MAGI1: variants seen among roughly 807,000 people sequenced by gnomAD.
The protein encoded by MAGI1 is membrane associated guanylate kinase, WW and PDZ domain containing 1.
A neutral mutation model predicts 139.9 loss-of-function variants in MAGI1; 58 were observed. The ratio of observed to expected loss-of-function variants is 0.41; its 90% confidence interval spans 0.34 to 0.52. The LOEUF (loss-of-function observed/expected upper bound fraction) is 0.52, where lower values mean the gene tolerates loss of function less well. Ranked by LOEUF, MAGI1 falls within the 20% of genes least tolerant of loss-of-function variation. The pLI is 0.12. For synonymous variants in MAGI1, 812 were observed against 737.9 expected (o/e 1.10, Z -1.63); for missense variants, 1,874 against 1,901.6 (o/e 0.99, Z 0.27).
rs567141821 is a variant in MAGI1, at chr3:65,979,783, C to T, written c.313+58213G>A. 2.0e-5 allele frequency among the ~76,000 whole-genome samples: 3 copies of T among 152,142 alleles called. No individual in the cohort carries two copies. In the South Asian group the frequency reaches 6.2e-4, roughly 32 times the overall value. ...TAGGACATGCCAATTACTCCAGTGT[C>T]GGGCTGCATAGCTCAGATGGCTCCA... On this transcript the variant is annotated intron_variant, in intron 1 of 22. Coordinates refer to ENST00000402939, the MANE Select transcript of MAGI1 (RefSeq NM_001033057.2).
At chr3:65,919,891 T>G (rs2062091225) in intron 1 of MAGI1, among the ~76,000 whole-genome samples, 1 of 152,172 alleles carries the variant, frequency 6.6e-6, no homozygotes, top group South Asian at 2.1e-4. Flanking sequence ...TTCCATCATC[T>G]TAACCCCTTT....
chr3:65,662,992 C>T (rs952267326), intron 1 of MAGI1, among the ~76,000 whole-genome samples: 13 of 152,076 alleles, frequency 8.5e-5, no homozygotes, highest in African/African-American at 2.9e-4. Flanking sequence ...AGACCAGAGA[C>T]GGGTGCTGGA....
intron 2 of MAGI1, among the ~76,000 whole-genome samples, chr3:65,514,672 A>C (rs2077771025): frequency 7.2e-6 from 1 of 139,794 alleles, no homozygotes; most frequent in Admixed American, 7.2e-5. Context: ...GGTGCTGGAG[A>C]GGATGTGGAG....
chr3:65,962,092 G>A (rs1320097740), intron 1 of MAGI1, among the ~76,000 whole-genome samples: 1 of 149,474 alleles, frequency 6.7e-6, no homozygotes, highest in Non-Finnish European at 1.5e-5. Context: ...TATTTGGACT[G>A]TTTGTTCTCA....
intron 1 of MAGI1, among the ~76,000 whole-genome samples, chr3:66,037,778 T>C (rs991956591): frequency 6.6e-6 from 1 of 152,100 alleles, no homozygotes; most frequent in African/African-American, 2.4e-5. Flanking sequence ...GTCCCCCCGC[T>C]ACCTTGCGCA....
intron 1 of MAGI1, among the ~76,000 whole-genome samples, chr3:65,634,720 C>A (rs2084504814): frequency 6.6e-6 from 1 of 152,124 alleles, no homozygotes. Flanking sequence ...TTGATTAGAT[C>A]TGGAATTTAA....
intron 5 of MAGI1, among the ~76,000 whole-genome samples, chr3:65,466,905 C>A (rs567934826): frequency 6.6e-6 from 1 of 152,308 alleles, no homozygotes; most frequent in South Asian, 2.1e-4. Context: ...GGTTTTTCTG[C>A]ACTGTTGCTG....
At chr3:65,901,208 G>C (rs2061217814) in intron 1 of MAGI1, among the ~76,000 whole-genome samples, 1 of 152,106 alleles carries the variant, frequency 6.6e-6, no homozygotes, top group Non-Finnish European at 1.5e-5. Flanking sequence ...CAGAGACAAG[G>C]AAAAAATAAA....
chr3:65,489,960 T>C (rs997766862), intron 3 of MAGI1, among the ~76,000 whole-genome samples: 2 of 152,178 alleles, frequency 1.3e-5, no homozygotes, highest in Admixed American at 6.5e-5. Flanking sequence ...GGTAGACTTT[T>C]CCTCTCTGGA....
intron 4 of MAGI1, among the ~76,000 whole-genome samples, chr3:65,471,558 C>T (rs527899724): frequency 9.9e-5 from 15 of 152,240 alleles, no homozygotes; most frequent in African/African-American, 3.4e-4. Flanking sequence ...ATCTACCACC[C>T]TTGAGGAGGC....
intron 1 of MAGI1, among the ~76,000 whole-genome samples, chr3:65,666,932 A>G (rs1304887672): frequency 6.6e-6 from 1 of 152,148 alleles, no homozygotes; most frequent in Admixed American, 6.5e-5. Context: ...CCTTTCCTCC[A>G]TGAAAACATC....
chr3:65,493,746 C>G, intron 2 of MAGI1, 115 bp from the exon 3 acceptor site: 3 of 1,169,596 alleles, frequency 2.6e-6, no homozygotes, highest in Non-Finnish European at 3.6e-6. Context: ...TAAGACTCTG[C>G]TGCCTCATCT....
chr3:65,753,513 G>A (rs947945883), intron 1 of MAGI1, among the ~76,000 whole-genome samples: 3 of 152,006 alleles, frequency 2.0e-5, no homozygotes, highest in African/African-American at 7.2e-5. Flanking sequence ...CTGAGGTTCA[G>A]GAGTTCGAGA....
At chr3:65,465,256 C>T (rs1950093983) in intron 5 of MAGI1, among the ~76,000 whole-genome samples, 1 of 151,066 alleles carries the variant, frequency 6.6e-6, no homozygotes, top group Non-Finnish European at 1.5e-5. Flanking sequence ...AAAAAGAAAA[C>T]TCAAAAGATG....
chr3:65,895,114 G>T (rs1020418644), intron 1 of MAGI1, among the ~76,000 whole-genome samples: 6 of 152,082 alleles, frequency 3.9e-5, no homozygotes, highest in Non-Finnish European at 8.8e-5. Flanking sequence ...ATATGTGCAT[G>T]GTTGGGCATA....
intron 2 of MAGI1, among the ~76,000 whole-genome samples, chr3:65,497,268 T>C (rs1952524604): frequency 6.6e-6 from 1 of 152,152 alleles, no homozygotes; most frequent in Non-Finnish European, 1.5e-5. Flanking sequence ...GAAGTTTGGA[T>C]TGAACACTAA....
At chr3:65,468,585 C>T (rs1406004578) in intron 5 of MAGI1, among the ~76,000 whole-genome samples, 1 of 151,750 alleles carries the variant, frequency 6.6e-6, no homozygotes, top group Non-Finnish European at 1.5e-5. Flanking sequence ...CCATGTTGGC[C>T]AGGCTGGTCT....
At position 65,812,035 on chromosome 3, in the gene MAGI1, G is replaced by A. The variant is rs72896031; in HGVS notation, c.314-189947C>T. Reference sequence around the variant, plus strand: ...GCGCAAACTCCCACAAAAACTCGGCGGGAGAGGAGGTAATCTCATGATCTC... The same window carrying A: ...GCGCAAACTCCCACAAAAACTCGGCAGGAGAGGAGGTAATCTCATGATCTC... On this transcript the variant is annotated intron_variant, in intron 1 of 22. Coordinates refer to ENST00000402939, the MANE Select transcript of MAGI1 (RefSeq NM_001033057.2). Among the ~76,000 whole-genome samples, 515 of 152,116 alleles carry A rather than the reference G, an allele frequency of 3.4e-3. 3 individuals are homozygous for A. Among genetic ancestry groups the A allele is most frequent in the African/African-American group, 0.012 (480 of 41,520 alleles).
chr3:65,421,291 C>G (rs1285768051), intron 12 of MAGI1, among the ~76,000 whole-genome samples: 2 of 152,148 alleles, frequency 1.3e-5, no homozygotes, highest in Admixed American at 1.3e-4. Context: ...AATTGGAATG[C>G]CATCCTGTTT....
Sources: gnomAD v4.1 joint callset for allele counts (sites outside exome capture counted in the v4.1 genomes callset) on GRCh38, gnomAD v4.1.1 for gene constraint, MANE v1.5 for transcripts, NCBI Gene and HGNC (gene_info 2026-07-23, HGNC 2026-07-21) for gene names.